The following VPS8 variants were observed in gnomAD, a reference collection of about 807,000 sequenced individuals.
VPS8 encodes vacuolar protein sorting-associated protein 8 homolog.
Under a neutral mutation model 216.4 loss-of-function variants are expected in VPS8, and 129 were observed. The observed-to-expected ratio is 0.60, with a 90% CI of 0.52 to 0.69. The LOEUF is 0.69. VPS8 is among the 30% of genes least tolerant of loss of function. The probability of loss-of-function intolerance (pLI) is 0.00; values close to 1 mark genes in which losing one functional copy is unlikely to be tolerated. For missense variants in VPS8, 1,531 were observed against 1,683.5 expected (o/e 0.91, Z 1.59); for synonymous variants, 571 against 565.4 (o/e 1.01, Z -0.14).
intron 7 of VPS8, among the ~76,000 whole-genome samples, chr3:184,841,944 A>G (rs975238818): frequency 9.2e-5 from 14 of 152,204 alleles, no homozygotes; most frequent in African/African-American, 3.1e-4. Flanking sequence ...GAAGAAAAGA[A>G]TAAAAGAACT....
At chr3:184,940,318 CCAGCCCATGGTATCTAAATAATA>C (rs1239929409) in intron 36 of VPS8, 75 bp downstream of exon 36, 2 of 577,400 alleles carry the variant, frequency 3.5e-6, no homozygotes, top group Non-Finnish European at 5.0e-6. Flanking sequence ...AATAAAGTTA[CCAGCCCATGGTATCTAAATAATA>C]CAATTAGCTC....
At chr3:185,050,059 A>T (rs951907650) in intron 47 of VPS8, among the ~76,000 whole-genome samples, 1 of 151,860 alleles carries the variant, frequency 6.6e-6, no homozygotes, top group African/African-American at 2.4e-5. Context: ...TTTAAGGCTC[A>T]TTGATTTCCG....
intron 3 of VPS8, among the ~76,000 whole-genome samples, chr3:184,831,039 C>T (rs956972457): frequency 8.5e-5 from 13 of 152,102 alleles, no homozygotes; most frequent in African/African-American, 3.1e-4. Flanking sequence ...AGAATATAAT[C>T]CTGGGGGACA....
chr3:185,039,859 T>C (rs1759405367), intron 46 of VPS8, among the ~76,000 whole-genome samples: 1 of 152,206 alleles, frequency 6.6e-6, no homozygotes, highest in Non-Finnish European at 1.5e-5. Context: ...ATGTTGCTTC[T>C]AGCCAATTTC....
At chr3:184,878,052 AT>A (rs1300950212) in intron 21 of VPS8, among the ~76,000 whole-genome samples, 3 of 152,050 alleles carry the variant, frequency 2.0e-5, no homozygotes, top group Non-Finnish European at 2.9e-5. Flanking sequence ...ATAATGAGGC[AT>A]TTTAATGCTG....
At position 185,051,968 on chromosome 3, in the gene VPS8, C is replaced by T; in HGVS notation, c.4230C>T (p.Ile1410=). ...GSQSAPAFNS[I]FQNENFQLQL... Reference sequence around the variant, plus strand: ...AGAGTGCTCCTGCTTTCAACAGCATCTTCCAGAATGAGAACTTCCAGCTGC... The same window carrying T: ...AGAGTGCTCCTGCTTTCAACAGCATTTTCCAGAATGAGAACTTCCAGCTGC... The change falls in exon 48 of 48, where the codon ATC becomes ATT. Residue 1410 remains isoleucine (I), a synonymous_variant. Coordinates refer to ENST00000625842, the MANE Select transcript of VPS8 (RefSeq NM_001009921.3). 2 of 1,613,696 alleles carry T rather than the reference C, an allele frequency of 1.2e-6. No individual in the cohort carries two copies. The highest frequency in any genetic ancestry group is 1.7e-6 in the Non-Finnish European group (2 of 1,179,790).
intron 45 of VPS8, among the ~76,000 whole-genome samples, chr3:185,003,116 T>TTTTTTATTTTTA (rs71632040): frequency 7.0e-6 from 1 of 143,798 alleles, no homozygotes; most frequent in African/African-American, 2.5e-5. Context: ...CATCTAATAT[T>TTTTTTATTTTTA]TTTTTATTTT....
At chr3:184,901,978 GC>G (rs1415737649) in intron 25 of VPS8, among the ~76,000 whole-genome samples, 3 of 152,044 alleles carry the variant, frequency 2.0e-5, no homozygotes, top group Admixed American at 6.6e-5. Context: ...TAAAACTTTG[GC>G]CATTCTAATG....
Position 184,924,923 on chromosome 3 carries a change from C to A in VPS8, c.2516C>A (p.Ala839Asp), listed in dbSNP as rs750905195. 1 of 1,613,634 alleles carries A rather than the reference C, an allele frequency of 6.2e-7. No individual in the cohort carries two copies. Among genetic ancestry groups the A allele is most frequent in the Non-Finnish European group, 8.5e-7 (1 of 1,179,822 alleles). ...GTAGGATGTCTCTTTACCTTCCTTG[C>A]TCGGCAGCTTGCAAAGCCTGACAAC... is the stretch of plus-strand genomic sequence containing the variant. ...SQVGCLFTFL[A>D]RQLAKPDNTL... The change falls in exon 30 of 48, where the codon GCT becomes GAT. Residue 839 changes from alanine to aspartate, a missense_variant. Physicochemically the swap from Ala to Asp is moderately radical, Grantham distance 126. This residue lies in a region of VPS8 where 1,318 missense variants were observed against 1,468.4 expected (regional missense o/e 0.90). Transcript: ENST00000625842.
intron 8 of VPS8, among the ~76,000 whole-genome samples, chr3:184,847,141 G>T (rs1190403833): frequency 6.6e-6 from 1 of 152,208 alleles, no homozygotes; most frequent in South Asian, 2.1e-4. Context: ...CCTTTTCAGT[G>T]TTCACCTTGG....
rs1752276095 is a variant in VPS8 at position 184,994,025 on chromosome 3, C to G, written c.3628C>G (p.Leu1210Val). 6.4e-7 allele frequency: 1 copy of G among 1,567,946 alleles called. No homozygotes were observed. Among genetic ancestry groups the G allele is most frequent in the African/African-American group, 1.4e-5 (1 of 73,684 alleles). The change falls in exon 43 of 48, where the codon CTT becomes GTT. Residue 1210 changes from leucine to valine, a missense_variant. Leu to Val is a conservative substitution (Grantham distance 32). Coordinates refer to ENST00000625842, the MANE Select transcript of VPS8 (RefSeq NM_001009921.3). ...GKGKLGEIQG[L>V]ILGMLDTFNY... ...AGGAAAACTTGGAGAAATCCAGGGA[C>G]TTATCTTGGGAATGTTAGATACCTT... is the stretch of plus-strand genomic sequence containing the variant.
rs76140895 is a variant in VPS8, at chr3:185,033,454, T to C, written c.4056+9065T>C. Reference sequence around the variant, plus strand: ...GTTCCTTGGTGTCTGCATGGCTTAATAGCTCTTTTCTTTTTATCATTGAGT... The same window carrying C: ...GTTCCTTGGTGTCTGCATGGCTTAACAGCTCTTTTCTTTTTATCATTGAGT... On this transcript the variant is annotated intron_variant, in intron 46 of 47. Transcript: ENST00000625842. Among the ~76,000 whole-genome samples the C allele has an allele frequency of 1.0e-3, 155 of 152,382 alleles. 1 individual carries two copies. The highest frequency in any genetic ancestry group is 3.6e-3 in the African/African-American group (148 of 41,598).
At chr3:184,953,034 G>T (rs1322105687) in intron 36 of VPS8, among the ~76,000 whole-genome samples, 1 of 152,188 alleles carries the variant, frequency 6.6e-6, no homozygotes, top group African/African-American at 2.4e-5. Context: ...GCCTACTGAG[G>T]CATGTCAGAC....
At chr3:185,009,455 T>C (rs1754702030) in intron 45 of VPS8, among the ~76,000 whole-genome samples, 1 of 152,224 alleles carries the variant, frequency 6.6e-6, no homozygotes, top group African/African-American at 2.4e-5. Context: ...CAGATACTTT[T>C]ATGCACTACT....
At chr3:184,869,637 G>A (rs2108772320) in intron 20 of VPS8, 109 bp downstream of exon 20, 2 of 1,129,644 alleles carry the variant, frequency 1.8e-6, no homozygotes, top group African/African-American at 1.5e-5. Context: ...AGAAGAGAGT[G>A]TATTAAAAAA....
At chr3:184,824,844 T>A (rs1398254170) in intron 2 of VPS8, 59 bp downstream of exon 2, 1 of 1,485,648 alleles carries the variant, frequency 6.7e-7, no homozygotes, top group African/African-American at 1.4e-5. Context: ...TAGAGTATGC[T>A]TTGTGACCCA....
At chr3:184,957,777 T>G (rs1745860081) in intron 37 of VPS8, among the ~76,000 whole-genome samples, 3 of 152,234 alleles carry the variant, frequency 2.0e-5, no homozygotes, top group Admixed American at 1.3e-4. Context: ...TTAGGGGCTT[T>G]GCTTAAACTG....
chr3:185,015,013 C>T (rs1036021961), intron 45 of VPS8, among the ~76,000 whole-genome samples: 5 of 152,198 alleles, frequency 3.3e-5, no homozygotes, highest in Admixed American at 2.0e-4. Flanking sequence ...AACGAGGGAA[C>T]ATGTATGACA....
At chr3:184,815,786 C>G (rs1402539679) in intron 1 of VPS8, 4 of 143,992 alleles carry the variant, frequency 2.8e-5, no homozygotes, top group Non-Finnish European at 6.0e-5. Context: ...CGTTGCAGTT[C>G]AGCAAGACGC....
Sources: allele counts gnomAD v4.1 joint callset (sites outside exome capture counted in the v4.1 genomes callset), GRCh38; gene constraint gnomAD v4.1.1; regional missense constraint gnomAD v4.1.1; transcripts MANE v1.5; gene names NCBI Gene and HGNC (gene_info 2026-07-23, HGNC 2026-07-21).